Variants in TASP1 observed in about 807,000 individuals in gnomAD.
TASP1 encodes threonine aspartase 1.
TASP1 carries 16 observed loss-of-function variants against 56.6 expected under a neutral mutation model. That is an observed-to-expected ratio of 0.28 (90% CI 0.19 to 0.43). TASP1 has a LOEUF of 0.43. Ranked by LOEUF, TASP1 falls within the 20% of genes least tolerant of loss-of-function variation. The pLI, the probability that TASP1 is intolerant of heterozygous loss-of-function variation, is 1.00. For missense variants in TASP1, 393 were observed against 511.6 expected (o/e 0.77, Z 2.24); for synonymous variants, 179 against 184.2 (o/e 0.97, Z 0.23).
Position 13,431,113 on chromosome 20 carries a change from C to A in TASP1, c.1096+3931G>T, listed in dbSNP as rs550165214. Reference sequence around the variant, plus strand: ...GGGACCAAAAAAGTGATTAACAATACACAGCAGTTAAGTTTTTTTTTTTAA... The same window carrying A: ...GGGACCAAAAAAGTGATTAACAATAAACAGCAGTTAAGTTTTTTTTTTTAA... On this transcript the variant is annotated intron_variant, in intron 12 of 13. Transcript: ENST00000337743. Among the ~76,000 whole-genome samples, 202 of 151,970 alleles carry A rather than the reference C, an allele frequency of 1.3e-3. 1 individual carries two copies. The highest frequency in any genetic ancestry group is 4.5e-3 in the African/African-American group (188 of 41,394).
At chr20:13,320,386 C>G in the TASP1 span, among the ~76,000 whole-genome samples, 1 of 152,192 alleles carries the variant, frequency 6.6e-6, no homozygotes, top group Non-Finnish European at 1.5e-5. Context: ...TGCTTGCAAA[C>G]CAAAGGACAG....
intron 10 of TASP1, among the ~76,000 whole-genome samples, chr20:13,525,540 C>A (rs1024157706): frequency 6.6e-6 from 1 of 152,254 alleles, no homozygotes; most frequent in Middle Eastern, 3.4e-3. Flanking sequence ...TTGGGAGAGC[C>A]CTATCCTAAC....
chr20:13,517,098 G>T (rs2044568386), intron 10 of TASP1, among the ~76,000 whole-genome samples: 1 of 152,096 alleles, frequency 6.6e-6, no homozygotes, highest in African/African-American at 2.4e-5. Flanking sequence ...ATATTCCCTA[G>T]GTGAATGGAT....
At chr20:13,528,310 T>C in intron 10 of TASP1, 123 bp downstream of exon 10, 1 of 639,268 alleles carries the variant, frequency 1.6e-6, no homozygotes. Flanking sequence ...ATACTGAAGA[T>C]CTTTCCCACA....
chr20:13,300,508 G>A, the TASP1 span: 4 of 152,036 alleles, frequency 2.6e-5, no homozygotes, highest in East Asian at 1.9e-4. Flanking sequence ...ATTGAGTCAC[G>A]GATTATTGTG....
the TASP1 span, among the ~76,000 whole-genome samples, chr20:13,311,223 T>TAGATAGATAGATAGAC: frequency 9.0e-6 from 1 of 111,152 alleles, no homozygotes; most frequent in South Asian, 2.9e-4. Flanking sequence ...AGATGATAGA[T>TAGATAGATAGATAGAC]AGATAGATAG....
the TASP1 span, among the ~76,000 whole-genome samples, chr20:13,172,769 C>A: frequency 6.6e-6 from 1 of 151,954 alleles, no homozygotes; most frequent in Non-Finnish European, 1.5e-5. Context: ...AGTACCCTTC[C>A]TTTAAAAAAT....
At chr20:13,243,155 G>A in the TASP1 span, among the ~76,000 whole-genome samples, 1 of 152,136 alleles carries the variant, frequency 6.6e-6, no homozygotes, top group Admixed American at 6.5e-5. Context: ...AAGAACTCTT[G>A]CCTTGGAATT....
chr20:13,332,800 T>C, the TASP1 span, among the ~76,000 whole-genome samples: 1 of 152,272 alleles, frequency 6.6e-6, no homozygotes, highest in South Asian at 2.1e-4. Flanking sequence ...ATTCATTCAA[T>C]GCCATTTTCT....
intron 4 of TASP1, among the ~76,000 whole-genome samples, chr20:13,610,900 G>C (rs1451998932): frequency 6.6e-6 from 1 of 152,132 alleles, no homozygotes; most frequent in Admixed American, 6.5e-5. Context: ...ACCACATCTG[G>C]AGGGGGCTTG....
intron 11 of TASP1, among the ~76,000 whole-genome samples, chr20:13,476,883 A>C (rs2042967407): frequency 6.6e-6 from 1 of 152,158 alleles, no homozygotes; most frequent in Non-Finnish European, 1.5e-5. Context: ...GACAAAAAAG[A>C]ATACATTTTC....
At position 13,620,265 on chromosome 20, in the gene TASP1, TACAC is replaced by T. The variant is rs757563847; in HGVS notation, c.282+3177_282+3180del. Among the ~76,000 whole-genome samples, 1,203 of 145,724 alleles carry T rather than the reference TACAC, an allele frequency of 8.3e-3. 3 individuals are homozygous for T. The highest frequency in any genetic ancestry group is 0.013 in the African/African-American group (522 of 39,192). On this transcript the variant is annotated intron_variant, in intron 4 of 13. Coordinates refer to ENST00000337743, the MANE Select transcript of TASP1 (RefSeq NM_017714.3). The stretch of plus-strand genomic sequence containing the variant: ...TGTGTGTGTGTGTCTCTGTGGTATT[TACAC>T]ACACACACACACACACACACACACA...
rs6134861 is a variant in TASP1, at chr20:13,401,116, G to A, written c.1171-10664C>T. 1.3e-3 allele frequency among the ~76,000 whole-genome samples: 199 copies of A among 152,270 alleles called. 1 individual carries two copies. The highest frequency in any genetic ancestry group is 4.5e-3 in the African/African-American group (189 of 41,570). On this transcript the variant is annotated intron_variant, in intron 13 of 13. Transcript: ENST00000337743. Reference sequence around the variant, plus strand: ...GGCTCTAACCAATCACTGCCACATAGGAAGTGGGTCCCAGTGTTGCCAAAT... The same window carrying A: ...GGCTCTAACCAATCACTGCCACATAAGAAGTGGGTCCCAGTGTTGCCAAAT...
intron 4 of TASP1, chr20:13,614,863 T>C (rs986006277): frequency 6.4e-6 from 3 of 467,558 alleles, no homozygotes; most frequent in Non-Finnish European, 1.3e-5. Flanking sequence ...CCTGAAATTG[T>C]CCTTTCCACA....
At chr20:13,458,001 A>G (rs935160115) in intron 11 of TASP1, among the ~76,000 whole-genome samples, 2 of 152,214 alleles carry the variant, frequency 1.3e-5, no homozygotes, top group African/African-American at 4.8e-5. Flanking sequence ...AGATGTTTTC[A>G]TTTGTAAGTT....
At chr20:13,611,264 TC>T (rs1050475693) in intron 4 of TASP1, among the ~76,000 whole-genome samples, 12 of 152,352 alleles carry the variant, frequency 7.9e-5, no homozygotes, top group African/African-American at 2.9e-4. Flanking sequence ...GCTTGGACTT[TC>T]AGTACGTTCC....
intron 1 of TASP1, among the ~76,000 whole-genome samples, chr20:13,632,377 AAAG>A (rs2049127734): frequency 6.6e-6 from 1 of 151,644 alleles, no homozygotes; most frequent in African/African-American, 2.4e-5. Flanking sequence ...AAAAAAAAAA[AAAG>A]AAAAAAGAAA....
chr20:13,237,463 A>C, the TASP1 span, among the ~76,000 whole-genome samples: 1 of 152,252 alleles, frequency 6.6e-6, no homozygotes, highest in South Asian at 2.1e-4. Context: ...AACCAGGCAC[A>C]GTAAAGTACA....
the TASP1 span, among the ~76,000 whole-genome samples, chr20:13,331,528 A>T: frequency 6.6e-6 from 1 of 152,222 alleles, no homozygotes; most frequent in African/African-American, 2.4e-5. Context: ...TCTGATAAAG[A>T]AAAGTCTCAG....
Sources: gnomAD v4.1 joint callset for allele counts (sites outside exome capture counted in the v4.1 genomes callset) on GRCh38, gnomAD v4.1.1 for gene constraint, MANE v1.5 for transcripts, NCBI Gene and HGNC (gene_info 2026-07-23, HGNC 2026-07-21) for gene names.